MCOLN2: variants seen among roughly 807,000 people sequenced by gnomAD.
MCOLN2 encodes mucolipin-2.
Under a neutral mutation model 67.5 loss-of-function variants are expected in MCOLN2, and 57 were observed. That is an observed-to-expected ratio of 0.84 (90% CI 0.68 to 1.05). The LOEUF (loss-of-function observed/expected upper bound fraction) is 1.05. Ranked by LOEUF, MCOLN2 falls within the 50% of genes least tolerant of loss-of-function variation. The pLI, the probability that MCOLN2 is intolerant of heterozygous loss-of-function variation, is 0.00. For missense variants in MCOLN2, 620 were observed against 678.8 expected, an observed-to-expected ratio of 0.91 and a Z score of 0.96; for synonymous variants, 246 against 233.3, an observed-to-expected ratio of 1.05 and a Z score of -0.50.
chr1:84,927,848 G>A (rs1268920044), intron 13 of MCOLN2, among the ~76,000 whole-genome samples: 1 of 152,134 alleles, frequency 6.6e-6, no homozygotes, highest in Non-Finnish European at 1.5e-5. Flanking sequence ...TCAAAATCCT[G>A]GGCTCAAGCA....
intron 1 of MCOLN2, among the ~76,000 whole-genome samples, 179 bp from the exon 2 acceptor site, chr1:84,965,887 T>C (rs1196992106): frequency 4.6e-5 from 7 of 152,172 alleles, no homozygotes; most frequent in Non-Finnish European, 8.8e-5. Context: ...CTCCCATTTC[T>C]AAAACTACAT....
At chr1:84,952,389 C>T (rs1193626053) in intron 5 of MCOLN2, 50 bp from the exon 6 acceptor site, 1 of 1,565,572 alleles carries the variant, frequency 6.4e-7, no homozygotes, top group Non-Finnish European at 8.8e-7. Context: ...TTACTATATA[C>T]TATTCTCCTT....
At chr1:84,942,015 T>G (rs1647816542) in intron 7 of MCOLN2, among the ~76,000 whole-genome samples, 1 of 152,200 alleles carries the variant, frequency 6.6e-6, no homozygotes, top group South Asian at 2.1e-4. Flanking sequence ...GCCACACTGA[T>G]CTTCCTTCTT....
At position 84,965,638 on chromosome 1, in the gene MCOLN2, T is replaced by G. The variant is rs745692652; in HGVS notation, c.148A>C (p.Met50Leu). The change falls in exon 2 of 14, where the codon ATG becomes CTG. Residue 50 changes from methionine (M) to leucine (L), a missense_variant. Physicochemically the swap from Met to Leu is conservative, Grantham distance 15 (BLOSUM62 2). Transcript: ENST00000370608. Reference protein sequence around the residue: ...CLREDLKFYFMSPCEKYRARR... With the variant: ...CLREDLKFYFLSPCEKYRARR... Reference sequence around the variant, plus strand: ...GCTCGGTATTTTTCACAAGGGCTCATGAAGTAAAACTTCAGGTCTTCCCTT... The same window carrying G: ...GCTCGGTATTTTTCACAAGGGCTCAGGAAGTAAAACTTCAGGTCTTCCCTT... 6 of 1,614,090 alleles carry G rather than the reference T, an allele frequency of 3.7e-6. No individual in the cohort carries two copies. Among genetic ancestry groups the G allele is most frequent in the Non-Finnish European group, 5.1e-6 (6 of 1,179,946 alleles).
At position 84,996,855 on chromosome 1, in the gene MCOLN2, A is replaced by G; in HGVS notation, c.18T>C (p.Tyr6=). 1.2e-6 allele frequency: 2 copies of G among 1,614,126 alleles called. No homozygotes were observed. The highest frequency in any genetic ancestry group is 2.2e-5 in the East Asian group (1 of 44,868). Residue 6 remains tyrosine, a synonymous_variant, in exon 1 of 14, where the codon TAT becomes TAC. Coordinates refer to ENST00000370608, the MANE Select transcript of MCOLN2 (RefSeq NM_153259.4). The part of the protein sequence containing the change: MARQP[Y]RFPQARIPER... The stretch of plus-strand genomic sequence containing the variant: ...CCGGAATCCTTGCCTGGGGAAAACG[A>G]TAAGGCTGCCGGGCCATGCCTCCTC...
intron 13 of MCOLN2, among the ~76,000 whole-genome samples, chr1:84,928,063 C>G (rs902344609): frequency 1.3e-5 from 2 of 152,176 alleles, no homozygotes; most frequent in African/African-American, 2.4e-5. Flanking sequence ...CCATGCAAGC[C>G]CCCTGGGATC....
intron 1 of MCOLN2, among the ~76,000 whole-genome samples, chr1:84,971,081 C>A (rs1649656395): frequency 1.3e-5 from 2 of 152,148 alleles, no homozygotes. Context: ...ATAATTGTTT[C>A]ATTTGGGTAT....
intron 1 of MCOLN2, among the ~76,000 whole-genome samples, chr1:84,978,970 G>A (rs774511757): frequency 2.6e-5 from 4 of 152,138 alleles, no homozygotes; most frequent in Non-Finnish European, 4.4e-5. Flanking sequence ...TTTGAGGGCT[G>A]CAAGCATCCA....
rs979998184 is a variant in MCOLN2, at chr1:84,931,608, T to G, written c.1336-40A>C. On this transcript the variant is annotated intron_variant, in intron 11 of 13. Transcript: ENST00000370608. ...AAAAACTAGTTTCTGAAATAGAGTA[T>G]TCTAAAAAGCAGAGGATATCTAGTT... 2.6e-6 allele frequency: 4 copies of G among 1,524,404 alleles called. No homozygotes were observed. In the Admixed American group the frequency reaches 6.8e-5, roughly 26 times the overall value. The allele number at this position is 1,524,404 out of a possible 1,614,324, so 94.4% of individuals were successfully genotyped here. A position where few individuals can be genotyped will look rare whatever the true frequency, so the allele number is the denominator to read the frequency against.
chr1:84,944,794 G>A (rs996854395), intron 7 of MCOLN2, among the ~76,000 whole-genome samples: 1 of 152,128 alleles, frequency 6.6e-6, no homozygotes, highest in Non-Finnish European at 1.5e-5. Flanking sequence ...AGGAGCCTGG[G>A]GGTAAGCGTG....
At chr1:84,978,298 A>C (rs1037948586) in intron 1 of MCOLN2, among the ~76,000 whole-genome samples, 2 of 152,110 alleles carry the variant, frequency 1.3e-5, no homozygotes, top group Admixed American at 1.3e-4. Context: ...AAAAACTTCA[A>C]ATAAACAATC....
chr1:84,992,634 C>T (rs962074990), intron 1 of MCOLN2, among the ~76,000 whole-genome samples: 1 of 152,154 alleles, frequency 6.6e-6, no homozygotes, highest in African/African-American at 2.4e-5. Context: ...TCCAGATCAC[C>T]ACAATAAAGC....
intron 2 of MCOLN2, among the ~76,000 whole-genome samples, chr1:84,961,358 G>A (rs999960449): frequency 1.6e-4 from 24 of 152,136 alleles, no homozygotes; most frequent in African/African-American, 5.6e-4. Context: ...ACTAGGGAAT[G>A]AAAAAACTGA....
intron 1 of MCOLN2, among the ~76,000 whole-genome samples, chr1:84,971,499 TAC>T (rs71097870): frequency 0.21 from 27,719 of 131,826 alleles, 2,626 homozygotes; most frequent in East Asian, 0.26. Flanking sequence ...TAAACAGACA[TAC>T]ACACACACAC....
intron 11 of MCOLN2, among the ~76,000 whole-genome samples, chr1:84,935,380 C>T (rs1483862590): frequency 6.6e-6 from 1 of 152,168 alleles, no homozygotes; most frequent in Non-Finnish European, 1.5e-5. Flanking sequence ...CCTTATCCCT[C>T]CCCTCCTCCA....
chr1:84,925,746 C>T lies in MCOLN2; in HGVS notation c.*939G>A, dbSNP rs78567810. 1 of 152,332 alleles carries T rather than the reference C, an allele frequency of 6.6e-6. No homozygotes were observed. Among genetic ancestry groups the T allele is most frequent in the East Asian group, 1.9e-4 (1 of 5,188 alleles). The allele number at this position is 152,332 out of a possible 1,614,324, so 9.4% of individuals were successfully genotyped here. On this transcript the variant is annotated 3_prime_UTR_variant, in exon 14 of 14. Coordinates refer to ENST00000370608, the MANE Select transcript of MCOLN2 (RefSeq NM_153259.4). The stretch of plus-strand genomic sequence containing the variant: ...TACAACTGACCATTAGCACAAGTGA[C>T]GAGGCAGCCAAATGATTCCATTTCT...
chr1:84,977,880 G>A (rs1650072755), intron 1 of MCOLN2, among the ~76,000 whole-genome samples: 1 of 151,992 alleles, frequency 6.6e-6, no homozygotes, highest in Non-Finnish European at 1.5e-5. Context: ...CTGCACTATA[G>A]ACTGCATGGA....
intron 7 of MCOLN2, among the ~76,000 whole-genome samples, chr1:84,946,459 G>C (rs1378169586): frequency 6.6e-6 from 1 of 152,158 alleles, no homozygotes. Context: ...AGTTTAGGCT[G>C]AGTATGCCCT....
chr1:84,966,866 T>C (rs1649407008), intron 1 of MCOLN2, among the ~76,000 whole-genome samples: 1 of 152,146 alleles, frequency 6.6e-6, no homozygotes, highest in Admixed American at 6.6e-5. Context: ...TATTAGTATT[T>C]CTATTTTATT....
Sources: gnomAD v4.1 joint callset for allele counts (sites outside exome capture counted in the v4.1 genomes callset) on GRCh38, gnomAD v4.1.1 for gene constraint, MANE v1.5 for transcripts, NCBI Gene and HGNC (gene_info 2026-07-23, HGNC 2026-07-21) for gene names.